The following SH3GL2 variants were observed in gnomAD, a reference collection of about 807,000 sequenced individuals.
The protein encoded by SH3GL2 is SH3 domain containing GRB2 like 2, endophilin A1.
SH3GL2 carries 24 observed loss-of-function variants against 46.0 expected under a neutral mutation model. The observed-to-expected ratio is 0.52, with a 90% confidence interval of 0.38 to 0.73. The LOEUF is 0.73. Ranked by LOEUF, SH3GL2 falls within the 30% of genes least tolerant of loss-of-function variation. SH3GL2 has a pLI of 0.00. For synonymous variants in SH3GL2, 196 were observed against 147.1 expected (o/e 1.33, Z -2.40); for missense variants, 413 against 424.2 (o/e 0.97, Z 0.23).
At chr9:17,788,355 G>T (rs550707532) in intron 5 of SH3GL2, among the ~76,000 whole-genome samples, 1 of 152,212 alleles carries the variant, frequency 6.6e-6, no homozygotes, top group South Asian at 2.1e-4. Context: ...TGAGCATTTA[G>T]TTTTTGGATC....
intron 1 of SH3GL2, among the ~76,000 whole-genome samples, chr9:17,652,339 T>C (rs1294626678): frequency 6.6e-6 from 1 of 152,028 alleles, no homozygotes; most frequent in African/African-American, 2.4e-5. Flanking sequence ...TACATATATG[T>C]GTTTTTATTT....
chr9:17,786,371 T>C lies in SH3GL2; in HGVS notation c.188-10T>C. Reference sequence around the variant, plus strand: ...CCTACTCTGAAAGCTTGTTCTCTCTTCACCTTCAGCTTCCAGAGCTAAGCT... The same window carrying C: ...CCTACTCTGAAAGCTTGTTCTCTCTCCACCTTCAGCTTCCAGAGCTAAGCT... On this transcript the variant is annotated splice_polypyrimidine_tract_variant and intron_variant, in intron 3 of 8. Transcript: ENST00000380607. 6.2e-7 allele frequency: 1 copy of C among 1,603,388 alleles called. No individual in the cohort carries two copies. The highest frequency in any genetic ancestry group is 8.5e-7 in the Non-Finnish European group (1 of 1,176,372).
At chr9:17,643,778 G>A (rs1819741434) in intron 1 of SH3GL2, among the ~76,000 whole-genome samples, 1 of 152,136 alleles carries the variant, frequency 6.6e-6, no homozygotes, top group African/African-American at 2.4e-5. Context: ...CATCAGGGAT[G>A]TTGGCCTGAA....
At position 17,784,125 on chromosome 9, in the gene SH3GL2, CT is replaced by C. The variant is rs370250626; in HGVS notation, c.188-2249del. Among the ~76,000 whole-genome samples the C allele has an allele frequency of 3.3e-5, 5 of 151,974 alleles. No individual in the cohort carries two copies. The South Asian group carries it at 6.2e-4, about 19-fold the overall frequency. ...CTCTTCAGATATGTGAATTAGTAGGCTTTTTTTAATCATTTGAAGTAGATAA... is the reference window on the plus strand; with the variant it reads ...CTCTTCAGATATGTGAATTAGTAGGCTTTTTTAATCATTTGAAGTAGATAA... On this transcript the variant is annotated intron_variant, in intron 3 of 8. Coordinates refer to ENST00000380607, the MANE Select transcript of SH3GL2 (RefSeq NM_003026.5).
chr9:17,670,769 T>C (rs1349000497), intron 1 of SH3GL2, among the ~76,000 whole-genome samples: 1 of 152,222 alleles, frequency 6.6e-6, no homozygotes. Context: ...AAAGTTTTTT[T>C]CCTCTTTTTA....
intron 1 of SH3GL2, among the ~76,000 whole-genome samples, chr9:17,699,779 G>T (rs541769076): frequency 6.6e-6 from 1 of 152,354 alleles, no homozygotes; most frequent in East Asian, 1.9e-4. Flanking sequence ...TTGATGGCAT[G>T]TGCCATCATT....
intron 1 of SH3GL2, among the ~76,000 whole-genome samples, chr9:17,641,367 T>G (rs527659219): frequency 6.6e-6 from 1 of 152,200 alleles, no homozygotes; most frequent in Non-Finnish European, 1.5e-5. Flanking sequence ...ATAGTTTTTT[T>G]AAAATAAATT....
Position 17,770,814 on chromosome 9 carries a change from C to T in SH3GL2, c.187+9305C>T, listed in dbSNP as rs188667374. Among the ~76,000 whole-genome samples, 87 of 152,312 alleles carry T rather than the reference C, an allele frequency of 5.7e-4. 1 individual carries two copies. The highest frequency in any genetic ancestry group is 1.9e-3 in the African/African-American group (77 of 41,572). ...CACTGGCCAACAGCCAGCGGGAAGC[C>T]AGAGCTCTCAATCACACTGCCACAG... is the stretch of plus-strand genomic sequence containing the variant. On this transcript the variant is annotated intron_variant, in intron 3 of 8. Coordinates refer to ENST00000380607, the MANE Select transcript of SH3GL2 (RefSeq NM_003026.5).
At chr9:17,730,220 G>GCAATTGT (rs1822137093) in intron 1 of SH3GL2, among the ~76,000 whole-genome samples, 1 of 151,998 alleles carries the variant, frequency 6.6e-6, no homozygotes, top group South Asian at 2.1e-4. Context: ...TCTCTTTGTA[G>GCAATTGT]CAATTGTGAA....
intron 1 of SH3GL2, among the ~76,000 whole-genome samples, chr9:17,592,743 A>C (rs1383953144): frequency 6.6e-6 from 1 of 152,002 alleles, no homozygotes; most frequent in African/African-American, 2.4e-5. Flanking sequence ...CAGAAAAAAA[A>C]CCTCTAAAAC....
At chr9:17,726,589 C>T (rs1007704763) in intron 1 of SH3GL2, among the ~76,000 whole-genome samples, 13 of 151,922 alleles carry the variant, frequency 8.6e-5, no homozygotes, top group Admixed American at 1.3e-4. Context: ...ACACGACACA[C>T]GAATAAGAAG....
At chr9:17,640,181 A>AAAT in intron 1 of SH3GL2, among the ~76,000 whole-genome samples, 1 of 146,772 alleles carries the variant, frequency 6.8e-6, no homozygotes. Context: ...CCCAGTAAAA[A>AAAT]CATTTTAAAA....
At chr9:17,646,213 T>G (rs978733182) in intron 1 of SH3GL2, among the ~76,000 whole-genome samples, 1 of 151,984 alleles carries the variant, frequency 6.6e-6, no homozygotes, top group Non-Finnish European at 1.5e-5. Flanking sequence ...GCTATGTTTT[T>G]CCGCTCCATC....
Position 17,693,526 on chromosome 9 carries a change from A to G in SH3GL2, c.46-53540A>G, listed in dbSNP as rs184785815. Among the ~76,000 whole-genome samples, 11 of 152,276 alleles carry G rather than the reference A, an allele frequency of 7.2e-5. No individual in the cohort carries two copies. In the East Asian group the frequency reaches 1.7e-3, roughly 24 times the overall value. On this transcript the variant is annotated intron_variant, in intron 1 of 8. Transcript: ENST00000380607. The stretch of plus-strand genomic sequence containing the variant: ...AATGTTTTTGTTTTATTTTGTTTGC[A>G]GAAATGCGAATGGTGTAAAGCTTCT...
chr9:17,737,254 T>C (rs1170596025), intron 1 of SH3GL2, among the ~76,000 whole-genome samples: 9 of 152,072 alleles, frequency 5.9e-5, no homozygotes, highest in Non-Finnish European at 1.2e-4. Context: ...CTAATGTAGA[T>C]GACAGGTTGA....
chr9:17,581,241 G>A (rs537270249), intron 1 of SH3GL2, among the ~76,000 whole-genome samples: 1 of 135,422 alleles, frequency 7.4e-6, no homozygotes, highest in East Asian at 2.8e-4. Context: ...GTTCTGTGTC[G>A]CCCTAAAGTG....
At chr9:17,682,951 G>C (rs1309442246) in intron 1 of SH3GL2, among the ~76,000 whole-genome samples, 1 of 152,078 alleles carries the variant, frequency 6.6e-6, no homozygotes, top group Non-Finnish European at 1.5e-5. Context: ...AGCTCACAGA[G>C]TGTTGCCTTC....
rs757049415 is a variant in SH3GL2, at chr9:17,795,705, A to G, written c.1021A>G (p.Ile341Val). The G allele has an allele frequency of 6.1e-5, 98 of 1,613,886 alleles. No homozygotes were observed. Among genetic ancestry groups the G allele is most frequent in the Non-Finnish European group, 7.7e-5 (91 of 1,179,948 alleles). ...MLHGHSGFFP[I>V]NYVEILVALP... is the part of the protein sequence containing the mutation. ...GCATGGCCATTCAGGCTTCTTCCCC[A>G]TCAATTATGTGGAAATTCTGGTTGC... is the stretch of plus-strand genomic sequence containing the variant. The change falls in exon 9 of 9, where the codon ATC becomes GTC. Residue 341 changes from isoleucine (I) to valine (V), a missense_variant. Physicochemically the swap from Ile to Val is conservative, Grantham distance 29. This residue lies in a region of SH3GL2 where 248 missense variants were observed against 215.0 expected (regional missense o/e 1.15). Coordinates refer to ENST00000380607, the MANE Select transcript of SH3GL2 (RefSeq NM_003026.5).
chr9:17,638,900 C>T lies in SH3GL2; in HGVS notation c.45+59613C>T, dbSNP rs753594182. Among the ~76,000 whole-genome samples the T allele has an allele frequency of 3.3e-5, 5 of 152,122 alleles. No homozygotes were observed. In the South Asian group the frequency reaches 6.2e-4, roughly 19 times the overall value. Reference sequence around the variant, plus strand: ...GGTTCTGGAACTTTTAATGGACATCCGAATTACAGGGGTTTTGTGAGAATT... The same window carrying T: ...GGTTCTGGAACTTTTAATGGACATCTGAATTACAGGGGTTTTGTGAGAATT... On this transcript the variant is annotated intron_variant, in intron 1 of 8. Transcript: ENST00000380607.
Sources: allele counts gnomAD v4.1 joint callset (sites outside exome capture counted in the v4.1 genomes callset), GRCh38; gene constraint gnomAD v4.1.1; regional missense constraint gnomAD v4.1.1; transcripts MANE v1.5; gene names NCBI Gene and HGNC (gene_info 2026-07-23, HGNC 2026-07-21).